TANC1: variants seen among roughly 807,000 people sequenced by gnomAD.
TANC1 encodes the protein protein TANC1.
TANC1 carries 77 observed loss-of-function variants against 149.7 expected under a neutral mutation model. The observed-to-expected ratio is 0.51, with a 90% confidence interval of 0.43 to 0.62. TANC1 has a LOEUF of 0.62. Among genes scored for constraint, TANC1 ranks in the 20% least tolerant of loss-of-function variants. The pLI, the probability that TANC1 is intolerant of heterozygous loss-of-function variation, is 0.00. For missense variants in TANC1, 1,985 were observed against 2,321.8 expected (o/e 0.85, Z 2.98); for synonymous variants, 854 against 925.0 (o/e 0.92, Z 1.39).
At chr2:159,106,807 G>T (rs369552) in intron 4 of TANC1, among the ~76,000 whole-genome samples, 49,231 of 151,808 alleles carry the variant, frequency 0.32, 8,628 homozygotes, top group East Asian at 0.63. Flanking sequence ...GTTTCCAATT[G>T]CTTCATATCC....
intron 18 of TANC1, among the ~76,000 whole-genome samples, chr2:159,197,053 T>C (rs1375437949): frequency 6.6e-6 from 1 of 152,226 alleles, no homozygotes; most frequent in Non-Finnish European, 1.5e-5. Context: ...CTCTTCCTCA[T>C]GTCTCTCCTC....
chr2:159,221,635 G>A (rs1559486156), intron 22 of TANC1, among the ~76,000 whole-genome samples: 1 of 152,090 alleles, frequency 6.6e-6, no homozygotes, highest in African/African-American at 2.4e-5. Flanking sequence ...ATGTCCTTCA[G>A]CTTCATCCAT....
intron 2 of TANC1, among the ~76,000 whole-genome samples, chr2:159,051,408 A>G (rs2041452584): frequency 6.6e-6 from 1 of 152,218 alleles, no homozygotes; most frequent in Non-Finnish European, 1.5e-5. Flanking sequence ...GTTTCATACT[A>G]AGAGAAATGA....
chr2:159,159,715 TGTGAGAGAGAGAGA>T (rs1173613449), intron 7 of TANC1, among the ~76,000 whole-genome samples: 61 of 63,214 alleles, frequency 9.6e-4, no homozygotes, highest in East Asian at 6.4e-3. Context: ...TGTGTGTGTG[TGTGAGAGAGAGAGA>T]GAGAGAGAGA....
chr2:159,177,355 A>G (rs1269676504), intron 13 of TANC1, among the ~76,000 whole-genome samples: 1 of 152,034 alleles, frequency 6.6e-6, no homozygotes, highest in African/African-American at 2.4e-5. Context: ...ATTGTGTCTT[A>G]ACCATTGACT....
chr2:159,198,911 C>T (rs1405485823), intron 18 of TANC1, 64 bp from the exon 19 acceptor site: 3 of 1,117,634 alleles, frequency 2.7e-6, no homozygotes, highest in Non-Finnish European at 4.1e-6. Flanking sequence ...TCCTTTGATA[C>T]ATGGGCTATA....
intron 14 of TANC1, among the ~76,000 whole-genome samples, chr2:159,181,130 ATCT>A (rs1185553265): frequency 6.6e-6 from 1 of 152,024 alleles, no homozygotes; most frequent in Non-Finnish European, 1.5e-5. Flanking sequence ...TGATATACCA[ATCT>A]TCTTTTTCTC....
chr2:159,179,658 A>G (rs2056266108), intron 14 of TANC1, among the ~76,000 whole-genome samples: 1 of 152,170 alleles, frequency 6.6e-6, no homozygotes, highest in Non-Finnish European at 1.5e-5. Context: ...CTGTGAGCCC[A>G]GAGGGAGCAC....
chr2:159,136,108 G>A, intron 4 of TANC1, 86 bp from the exon 5 acceptor site: 3 of 792,462 alleles, frequency 3.8e-6, no homozygotes, highest in East Asian at 2.5e-5. Context: ...GCATATTTGG[G>A]TCCTGGTAAG....
At chr2:158,971,389 G>T (rs1021468980) in intron 1 of TANC1, among the ~76,000 whole-genome samples, 3 of 152,158 alleles carry the variant, frequency 2.0e-5, no homozygotes, top group African/African-American at 7.2e-5. Flanking sequence ...CATAGAAAAA[G>T]AAATGGCTTT....
At chr2:159,006,607 C>G (rs115189434) in intron 2 of TANC1, among the ~76,000 whole-genome samples, 1 of 152,102 alleles carries the variant, frequency 6.6e-6, no homozygotes, top group Non-Finnish European at 1.5e-5. Flanking sequence ...CAAGTAAACA[C>G]GACTACAAAT....
At chr2:159,038,048 T>A (rs1364414446) in intron 2 of TANC1, among the ~76,000 whole-genome samples, 1 of 152,348 alleles carries the variant, frequency 6.6e-6, no homozygotes, top group Middle Eastern at 3.4e-3. Context: ...TGGTTTGTAG[T>A]TCTCCTTGAA....
intron 4 of TANC1, among the ~76,000 whole-genome samples, chr2:159,115,553 G>A (rs975607610): frequency 1.3e-5 from 2 of 152,182 alleles, no homozygotes; most frequent in Non-Finnish European, 1.5e-5. Context: ...TTAATCTCAT[G>A]GCACATATAG....
intron 19 of TANC1, among the ~76,000 whole-genome samples, chr2:159,209,806 GC>G (rs2058863347): frequency 6.6e-6 from 1 of 152,178 alleles, no homozygotes; most frequent in Non-Finnish European, 1.5e-5. Flanking sequence ...TGGCCATCGG[GC>G]CTGCCACTGA....
chr2:159,111,966 A>G (rs1452738484), intron 4 of TANC1, among the ~76,000 whole-genome samples: 1 of 150,970 alleles, frequency 6.6e-6, no homozygotes, highest in Non-Finnish European at 1.5e-5. Flanking sequence ...CAGAAATTGT[A>G]TGTCTTGAAG....
At position 159,097,519 on chromosome 2, in the gene TANC1, C is replaced by G. The variant is rs1008489757; in HGVS notation, c.62-118C>G. The G allele has an allele frequency of 5.0e-6, 4 of 797,784 alleles. No homozygotes were observed. In the African/African-American group the frequency reaches 5.1e-5, roughly 10 times the overall value. The allele number at this position is 797,784 out of a possible 1,614,324, so 49.4% of individuals were successfully genotyped here. A position where few individuals can be genotyped will look rare whatever the true frequency, so the allele number is the denominator to read the frequency against. ...GGGGGAAAAGTCATTTAAAAAAATTCAATACACACATCTGATATGTGGGAA... is the reference window on the plus strand; with the variant it reads ...GGGGGAAAAGTCATTTAAAAAAATTGAATACACACATCTGATATGTGGGAA... On this transcript the variant is annotated intron_variant, in intron 3 of 26. Coordinates refer to ENST00000263635, the MANE Select transcript of TANC1 (RefSeq NM_033394.3).
chr2:159,090,477 A>G (rs1195966910), intron 3 of TANC1, among the ~76,000 whole-genome samples: 1 of 152,114 alleles, frequency 6.6e-6, no homozygotes, highest in Non-Finnish European at 1.5e-5. Context: ...CATTTTCCCA[A>G]CCAGTTAAAA....
Position 159,064,133 on chromosome 2 carries a change from A to G in TANC1, c.-15-1763A>G, listed in dbSNP as rs372915462. Among the ~76,000 whole-genome samples the G allele has an allele frequency of 1.2e-3, 177 of 152,280 alleles. 1 individual carries two copies. Among genetic ancestry groups the G allele is most frequent in the African/African-American group, 4.1e-3 (172 of 41,562 alleles). ...GTCTGTGTTTACCTATCTATTTATT[A>G]TTAACTTTTACTACCATTTTTTTAT... is the stretch of plus-strand genomic sequence containing the variant. On this transcript the variant is annotated intron_variant, in intron 2 of 26. Coordinates refer to ENST00000263635, the MANE Select transcript of TANC1 (RefSeq NM_033394.3).
At chr2:159,077,080 A>G (rs911373634) in intron 3 of TANC1, among the ~76,000 whole-genome samples, 2 of 151,774 alleles carry the variant, frequency 1.3e-5, no homozygotes, top group Non-Finnish European at 2.9e-5. Flanking sequence ...CACTGAGTAG[A>G]CAGGGTCTTG....
Sources: allele counts gnomAD v4.1 joint callset (sites outside exome capture counted in the v4.1 genomes callset), GRCh38; gene constraint gnomAD v4.1.1; transcripts MANE v1.5; gene names NCBI Gene and HGNC (gene_info 2026-07-23, HGNC 2026-07-21).